HFM1: variants seen among roughly 807,000 people sequenced by gnomAD.
The protein encoded by HFM1 is helicase for meiosis 1.
HFM1 carries 169 observed loss-of-function variants against 192.1 expected under a neutral mutation model. That is an observed-to-expected ratio of 0.88 (90% CI 0.78 to 1.00). The LOEUF (loss-of-function observed/expected upper bound fraction) is 1.00. Ranked by LOEUF, HFM1 falls within the 50% of genes least tolerant of loss-of-function variation. The pLI is 0.00. For synonymous variants in HFM1, 525 were observed against 537.8 expected (o/e 0.98, Z 0.33); for missense variants, 1,661 against 1,668.0 (o/e 1.00, Z 0.07).
chr1:91,297,028 A>T (rs900108861), intron 30 of HFM1, among the ~76,000 whole-genome samples: 4 of 152,180 alleles, frequency 2.6e-5, no homozygotes, highest in Non-Finnish European at 4.4e-5. Context: ...GGGTCAGGGA[A>T]TTCCCTTTCC....
chr1:91,332,088 GA>G, intron 20 of HFM1, among the ~76,000 whole-genome samples: 1 of 151,300 alleles, frequency 6.6e-6, no homozygotes, highest in East Asian at 1.9e-4. Flanking sequence ...ATTCTTCACA[GA>G]AAGGGAAAAA....
Position 91,290,347 on chromosome 1 carries a change from T to C in HFM1, c.3392-13285A>G, listed in dbSNP as rs568292246. ...CACACATAGGCTTAAAATAAAAGGA[T>C]GGAGGAAGATCTACCAAGCAAATGG... is the stretch of plus-strand genomic sequence containing the variant. On this transcript the variant is annotated intron_variant, in intron 30 of 38. Transcript: ENST00000370425. Among the ~76,000 whole-genome samples the C allele has an allele frequency of 2.1e-3, 321 of 152,020 alleles. 2 individuals are homozygous for C. Among genetic ancestry groups the C allele is most frequent in the African/African-American group, 7.3e-3 (304 of 41,430 alleles).
rs543457868 is a variant in HFM1, at chr1:91,284,076, A to G, written c.3392-7014T>C. 3.9e-5 allele frequency among the ~76,000 whole-genome samples: 6 copies of G among 152,154 alleles called. No individual in the cohort carries two copies. In the South Asian group the frequency reaches 8.3e-4, roughly 21 times the overall value. ...ATTTATTTATGCAGAAAAGGAATAC[A>G]CTGAACTGGAGTCCTTGATTTTGCA... is the stretch of plus-strand genomic sequence containing the variant. On this transcript the variant is annotated intron_variant, in intron 30 of 38. Transcript: ENST00000370425.
chr1:91,366,333 C>T (rs1177629672), intron 13 of HFM1, among the ~76,000 whole-genome samples: 4 of 152,160 alleles, frequency 2.6e-5, no homozygotes, highest in African/African-American at 9.7e-5. Context: ...ACAAAGAATT[C>T]CGTAAGTCTC....
Position 91,378,185 on chromosome 1 carries a change from T to C in HFM1, c.1237-2A>G. The C allele has an allele frequency of 6.4e-7, 1 of 1,571,926 alleles. No homozygotes were observed. The highest frequency in any genetic ancestry group is 8.6e-7 in the Non-Finnish European group (1 of 1,162,334). On this transcript the variant is annotated splice_acceptor_variant, in intron 10 of 38. Coordinates refer to ENST00000370425, the MANE Select transcript of HFM1 (RefSeq NM_001017975.6). LOFTEE classifies it high-confidence loss of function. ...ATTTTCATCTTTTACAATATGTACC[T>C]AAGCAGGAAATCAAGAAAAAATCAT...
chr1:91,380,574 C>T (rs918378742), intron 7 of HFM1, among the ~76,000 whole-genome samples: 1 of 152,026 alleles, frequency 6.6e-6, no homozygotes, highest in African/African-American at 2.4e-5. Flanking sequence ...GCCAACAGAG[C>T]AAAACTCTGT....
Position 91,394,091 on chromosome 1 carries a change from AC to A in HFM1, c.494+1del. 1 of 1,445,308 alleles carries A rather than the reference AC, an allele frequency of 6.9e-7. No homozygotes were observed. Among genetic ancestry groups the A allele is most frequent in the Non-Finnish European group, 9.5e-7 (1 of 1,057,098 alleles). 89.5% of individuals were successfully genotyped at this position (1,445,308 alleles called of 1,614,324 possible). ...ATTATTTAGTTTAATTATAATAATTACCTTTTCCGGAATACTGATGTGCTCT... is the reference window on the plus strand; with the variant it reads ...ATTATTTAGTTTAATTATAATAATTACTTTTCCGGAATACTGATGTGCTCT... On this transcript the variant is annotated splice_donor_variant, in intron 4 of 38. Coordinates refer to ENST00000370425, the MANE Select transcript of HFM1 (RefSeq NM_001017975.6). LOFTEE classifies it high-confidence loss of function.
At chr1:91,318,942 A>G in intron 25 of HFM1, 136 bp downstream of exon 25, 1 of 740,802 alleles carries the variant, frequency 1.3e-6, no homozygotes, top group Non-Finnish European at 2.1e-6. Flanking sequence ...GATTTTCGAA[A>G]GTACAGCACT....
At chr1:91,340,602 A>C (rs1450862999) in intron 20 of HFM1, among the ~76,000 whole-genome samples, 1 of 152,220 alleles carries the variant, frequency 6.6e-6, no homozygotes, top group East Asian at 1.9e-4. Flanking sequence ...ACATACCAAT[A>C]TCAACCTTGA....
chr1:91,271,228 T>C lies in HFM1; in HGVS notation c.3772+2484A>G, dbSNP rs1227700929. ...AAAACTAACAGGGAAGTCTACCTTT[T>C]TCCACTGAGGCGCTAAACTGGTAAG... On this transcript the variant is annotated intron_variant, in intron 34 of 38. Transcript: ENST00000370425. 2.0e-5 allele frequency among the ~76,000 whole-genome samples: 3 copies of C among 152,218 alleles called. No homozygotes were observed. In the East Asian group the frequency reaches 5.8e-4, roughly 29 times the overall value.
chr1:91,289,534 G>C (rs986788603), intron 30 of HFM1, among the ~76,000 whole-genome samples: 16 of 152,252 alleles, frequency 1.1e-4, no homozygotes, highest in East Asian at 7.7e-4. Flanking sequence ...AGGTTGTAGC[G>C]AGCCAAGAAC....
chr1:91,338,079 G>C (rs751514300), intron 20 of HFM1, among the ~76,000 whole-genome samples: 2 of 152,152 alleles, frequency 1.3e-5, no homozygotes, highest in Non-Finnish European at 2.9e-5. Context: ...GGTGGCTCCT[G>C]GGGAAGGGTG....
Position 91,378,451 on chromosome 1 carries a change from C to A in HFM1, c.1188G>T (p.Trp396Cys). The change falls in exon 10 of 39, where the codon TGG (tryptophan) becomes TGT (cysteine). Residue 396 changes from tryptophan (W) to cysteine (C), a missense_variant. Coordinates refer to ENST00000370425, the MANE Select transcript of HFM1 (RefSeq NM_001017975.6). ...CCAGCTGAACCAAAGAGTTGTCTCTCCATTTCCTAGTCATGCTATCCCATT... is the reference window on the plus strand; with the variant it reads ...CCAGCTGAACCAAAGAGTTGTCTCTACATTTCCTAGTCATGCTATCCCATT... ...PEKWDSMTRK[W>C]RDNSLVQLVR... 6.2e-7 allele frequency: 1 copy of A among 1,604,534 alleles called. No individual in the cohort carries two copies. Among genetic ancestry groups the A allele is most frequent in the Non-Finnish European group, 8.5e-7 (1 of 1,173,648 alleles).
chr1:91,275,889 A>C (rs1439405186), intron 32 of HFM1, among the ~76,000 whole-genome samples: 1 of 152,150 alleles, frequency 6.6e-6, no homozygotes, highest in Admixed American at 6.5e-5. Context: ...TCACTGGTTA[A>C]AATCTTTCAT....
At position 91,364,439 on chromosome 1, in the gene HFM1, G is replaced by C. The variant is rs537312533; in HGVS notation, c.1685+10919C>G. Among the ~76,000 whole-genome samples the C allele has an allele frequency of 1.3e-4, 19 of 151,094 alleles. 1 individual carries two copies. In the South Asian group the frequency reaches 4.0e-3, roughly 32 times the overall value. On this transcript the variant is annotated intron_variant, in intron 13 of 38. Coordinates refer to ENST00000370425, the MANE Select transcript of HFM1 (RefSeq NM_001017975.6). ...TATTACCAAGCAACCTCTTCTCTGG[G>C]TATATACCCAAAGAAGAGATCATTA...
At chr1:91,301,048 C>T (rs1648681925) in intron 30 of HFM1, among the ~76,000 whole-genome samples, 1 of 152,262 alleles carries the variant, frequency 6.6e-6, no homozygotes, top group Non-Finnish European at 1.5e-5. Flanking sequence ...ATCATCTCAG[C>T]CCAAAATCTC....
chr1:91,334,793 G>A (rs1256240981), intron 20 of HFM1, among the ~76,000 whole-genome samples: 1 of 151,974 alleles, frequency 6.6e-6, no homozygotes, highest in African/African-American at 2.4e-5. Context: ...GCTGGGCGTG[G>A]TGGCGGGCAC....
At chr1:91,323,776 T>C (rs1652478151) in intron 21 of HFM1, among the ~76,000 whole-genome samples, 1 of 152,178 alleles carries the variant, frequency 6.6e-6, no homozygotes, top group Admixed American at 6.5e-5. Flanking sequence ...CAAGATCAGA[T>C]GAGTTAATGT....
Position 91,379,092 on chromosome 1 carries a change from GA to G in HFM1, c.1128del (p.Gln377SerfsTer7), listed in dbSNP as rs1412487848. ...GTTGTCATAATAATATGGGCATGCT[GA>G]ATCTCAAATAGATCATCCATTACTG... Reference protein sequence around the residue: ...GDTVMDDLFEIQHAHIIMTTP... With the variant: ...GDTVMDDLFEXQHAHIIMTTP... On this transcript the variant is annotated frameshift_variant, in exon 9 of 39. Coordinates refer to ENST00000370425, the MANE Select transcript of HFM1 (RefSeq NM_001017975.6). LOFTEE classifies it high-confidence loss of function. 1.3e-6 allele frequency: 2 copies of G among 1,588,878 alleles called. No homozygotes were observed. The highest frequency in any genetic ancestry group is 1.7e-6 in the Non-Finnish European group (2 of 1,167,028).
Sources: allele counts gnomAD v4.1 joint callset (sites outside exome capture counted in the v4.1 genomes callset), GRCh38; gene constraint gnomAD v4.1.1; transcripts MANE v1.5; gene names NCBI Gene and HGNC (gene_info 2026-07-23, HGNC 2026-07-21).